ITGA9: variants seen among roughly 807,000 people sequenced by gnomAD.
ITGA9 encodes integrin alpha-9.
ITGA9 carries 56 observed loss-of-function variants against 127.8 expected under a neutral mutation model. That is an observed-to-expected ratio of 0.44 (90% CI 0.35 to 0.55). ITGA9 has a LOEUF of 0.55. ITGA9 is among the 20% of genes least tolerant of loss of function. The pLI is 0.00. For synonymous variants in ITGA9, 508 were observed against 514.5 expected (o/e 0.99, Z 0.17); for missense variants, 1,196 against 1,347.1 (o/e 0.89, Z 1.76).
chr3:37,616,640 G>T (rs1700077534), intron 15 of ITGA9, among the ~76,000 whole-genome samples: 1 of 152,194 alleles, frequency 6.6e-6, no homozygotes, highest in African/African-American at 2.4e-5. Flanking sequence ...TTATGAATCT[G>T]GGTGCTCCTG....
At chr3:37,658,959 A>G (rs937657682) in intron 17 of ITGA9, among the ~76,000 whole-genome samples, 1 of 152,208 alleles carries the variant, frequency 6.6e-6, no homozygotes, top group Non-Finnish European at 1.5e-5. Context: ...TTGGCTGGAT[A>G]TGAAATTCTG....
intron 3 of ITGA9, among the ~76,000 whole-genome samples, chr3:37,478,402 AAG>A (rs1349215296): frequency 6.6e-6 from 1 of 152,234 alleles, no homozygotes; most frequent in Non-Finnish European, 1.5e-5. Flanking sequence ...TACAACAAAA[AAG>A]GCCTTTGAAA....
Position 37,508,741 on chromosome 3 carries a change from G to A in ITGA9, c.897+114G>A, listed in dbSNP as rs1006297176. ...CCTACCTGTGCCCTGTGTTTATATG[G>A]CAGTGCTGTCTGCTTGTTGGTGTCT... On this transcript the variant is annotated intron_variant, in intron 8 of 27. Transcript: ENST00000264741. The A allele has an allele frequency of 3.8e-6, 3 of 792,038 alleles. No homozygotes were observed. The Admixed American group carries it at 5.8e-5, about 15-fold the overall frequency. 49.1% of individuals were successfully genotyped at this position (792,038 alleles called of 1,614,324 possible).
intron 1 of ITGA9, among the ~76,000 whole-genome samples, chr3:37,469,044 C>T (rs878971730): frequency 3.9e-5 from 6 of 152,282 alleles, no homozygotes; most frequent in East Asian, 1.9e-4. Flanking sequence ...GACTGCTTTC[C>T]GGAAACAATG....
chr3:37,622,401 TA>T (rs892840094), intron 15 of ITGA9, among the ~76,000 whole-genome samples: 1 of 152,184 alleles, frequency 6.6e-6, no homozygotes, highest in African/African-American at 2.4e-5. Flanking sequence ...GTTTACTTTT[TA>T]ATTTATAGGA....
At chr3:37,519,624 T>G (rs939398989) in intron 11 of ITGA9, among the ~76,000 whole-genome samples, 2 of 152,286 alleles carry the variant, frequency 1.3e-5, no homozygotes, top group African/African-American at 4.8e-5. Flanking sequence ...AGCCATTTAT[T>G]TAAGAAAGGA....
At chr3:37,606,745 C>T (rs1228921517) in intron 15 of ITGA9, among the ~76,000 whole-genome samples, 3 of 152,042 alleles carry the variant, frequency 2.0e-5, no homozygotes, top group Admixed American at 6.6e-5. Flanking sequence ...AGGGGATCAG[C>T]CCCCCTCAAT....
intron 17 of ITGA9, among the ~76,000 whole-genome samples, chr3:37,665,939 G>T (rs1249241885): frequency 6.6e-6 from 1 of 152,236 alleles, no homozygotes; most frequent in Non-Finnish European, 1.5e-5. Flanking sequence ...ATCGAAGGGT[G>T]ACATGCCCTT....
intron 13 of ITGA9, among the ~76,000 whole-genome samples, chr3:37,532,184 T>G (rs2125586404): frequency 6.6e-6 from 1 of 152,358 alleles, no homozygotes. Context: ...GCTCTGGAAG[T>G]CCCGCAGTTC....
rs773014872 is a variant in ITGA9 at position 37,452,400 on chromosome 3, G to A, written c.26G>A (p.Gly9Asp). The change falls in exon 1 of 28, where the codon GGC becomes GAC. Residue 9 changes from glycine (G) to aspartate (D), a missense_variant. By Grantham distance (94) the Gly-to-Asp change is moderately conservative. Transcript: ENST00000264741. This position sits in a 1 kb window ranked among gnomAD's most constrained non-coding sequence, Gnocchi z 7.3. MGGPAAPR[G>D]AGRLRALLLA... Reference sequence around the variant, plus strand: ...ATGGGCGGCCCGGCTGCGCCGAGGGGCGCCGGGAGGCTCCGCGCGCTGCTG... The same window carrying A: ...ATGGGCGGCCCGGCTGCGCCGAGGGACGCCGGGAGGCTCCGCGCGCTGCTG... 7.2e-5 allele frequency: 100 copies of A among 1,391,142 alleles called. No individual in the cohort carries two copies. The highest frequency in any genetic ancestry group is 2.6e-4 in the Middle Eastern group (1 of 3,800). The allele number at this position is 1,391,142 out of a possible 1,614,324, so 86.2% of individuals were successfully genotyped here. A position where few individuals can be genotyped will look rare whatever the true frequency, so the allele number is the denominator to read the frequency against.
chr3:37,499,972 C>G (rs1360721051), intron 5 of ITGA9, among the ~76,000 whole-genome samples: 1 of 152,200 alleles, frequency 6.6e-6, no homozygotes, highest in Non-Finnish European at 1.5e-5. Context: ...CTTTGCAGGC[C>G]TGTGCTGATG....
rs538260261 is a variant in ITGA9, at chr3:37,616,555, G to A, written c.1690-12632G>A. Among the ~76,000 whole-genome samples, 257 of 152,296 alleles carry A rather than the reference G, an allele frequency of 1.7e-3. 5 individuals carry two copies. In the South Asian group the frequency reaches 0.028, roughly 17 times the overall value. Reference sequence around the variant, plus strand: ...CTGTCTCGTTGATCTGTCTAATGTTGACAGTGGGGTGTTAAAGTCTCCCAT... The same window carrying A: ...CTGTCTCGTTGATCTGTCTAATGTTAACAGTGGGGTGTTAAAGTCTCCCAT... On this transcript the variant is annotated intron_variant, in intron 15 of 27. Transcript: ENST00000264741.
intron 14 of ITGA9, among the ~76,000 whole-genome samples, chr3:37,535,309 A>T (rs1041560597): frequency 2.6e-5 from 4 of 152,252 alleles, no homozygotes; most frequent in Non-Finnish European, 5.9e-5. Flanking sequence ...AGCAGAGAAG[A>T]AGAAACCAAG....
In ITGA9 at chr3:37,539,084, T is replaced by C. The variant is rs184973826; in HGVS notation, c.1529-3341T>C. Among the ~76,000 whole-genome samples the C allele has an allele frequency of 1.4e-4, 22 of 152,364 alleles. No homozygotes were observed. The East Asian group carries it at 4.0e-3, about 28-fold the overall frequency. On this transcript the variant is annotated intron_variant, in intron 14 of 27. Coordinates refer to ENST00000264741, the MANE Select transcript of ITGA9 (RefSeq NM_002207.3). ...GAACTGTGGGTTGTTTCTCTCTTCC[T>C]TGAGTTGCAAGAGATCAGTACTTCC...
At position 37,481,497 on chromosome 3, in the gene ITGA9, G is replaced by A. The variant is rs967909532; in HGVS notation, c.434G>A (p.Arg145His). The A allele has an allele frequency of 3.1e-6, 5 of 1,613,928 alleles. No individual in the cohort carries two copies. Among genetic ancestry groups the A allele is most frequent in the South Asian group, 2.2e-5 (2 of 91,084 alleles). ...CTATCCCTTTAGGCCTGTGCTCATC[G>A]CTGGAAGAACATCTACTATGAAGCC... is the stretch of plus-strand genomic sequence containing the variant. ...ADGRVLACAH[R>H]WKNIYYEADH... Residue 145 changes from arginine (R) to histidine (H), a missense_variant, in exon 4 of 28, where the codon CGC becomes CAC. Arg to His is a conservative substitution (Grantham distance 29, BLOSUM62 0). Transcript: ENST00000264741.
At chr3:37,486,539 T>G (rs1698611902) in intron 4 of ITGA9, among the ~76,000 whole-genome samples, 1 of 152,216 alleles carries the variant, frequency 6.6e-6, no homozygotes, top group Admixed American at 6.5e-5. Flanking sequence ...GTAAATTTTC[T>G]AATTAATTTT....
chr3:37,786,353 A>G (rs187856550), intron 26 of ITGA9, among the ~76,000 whole-genome samples: 41 of 152,318 alleles, frequency 2.7e-4, no homozygotes, highest in African/African-American at 9.6e-4. Flanking sequence ...AAAGTTTCAT[A>G]TAGAAAATAA....
intron 23 of ITGA9, among the ~76,000 whole-genome samples, chr3:37,758,150 C>T (rs542989847): frequency 0.013 from 1,975 of 149,254 alleles, 17 homozygotes; most frequent in Non-Finnish European, 0.017. Flanking sequence ...GGTGAAACCC[C>T]GTCTCTACTA....
intron 15 of ITGA9, among the ~76,000 whole-genome samples, chr3:37,596,388 C>G (rs1699871014): frequency 6.6e-6 from 1 of 152,126 alleles, no homozygotes; most frequent in South Asian, 2.1e-4. Flanking sequence ...TTGGAGAAGG[C>G]TGATGGGCTG....
Sources: allele counts gnomAD v4.1 joint callset (sites outside exome capture counted in the v4.1 genomes callset), GRCh38; gene constraint gnomAD v4.1.1; non-coding constraint Gnocchi (gnomAD v3.1); transcripts MANE v1.5; gene names NCBI Gene and HGNC (gene_info 2026-07-23, HGNC 2026-07-21).